The following AGBL1 variants were observed in gnomAD, a reference collection of about 807,000 sequenced individuals.
AGBL1 encodes cytosolic carboxypeptidase 4.
In AGBL1, 130 loss-of-function variants were observed where a neutral mutation model predicts 118.9. The observed-to-expected ratio is 1.09, with a 90% CI of 0.95 to 1.26. The LOEUF (loss-of-function observed/expected upper bound fraction) is 1.26, where lower values mean the gene tolerates loss of function less well. Ranked by LOEUF, AGBL1 falls within the 50% of genes most tolerant of loss-of-function variation. The pLI, the probability that AGBL1 is intolerant of heterozygous loss-of-function variation, is 0.00. For missense variants in AGBL1, 1,584 were observed against 1,298.1 expected, an observed-to-expected ratio of 1.22 and a Z score of -3.38; for synonymous variants, 555 against 478.9, an observed-to-expected ratio of 1.16 and a Z score of -2.08.
At chr15:86,446,384 G>C (rs77232446) in intron 18 of AGBL1, among the ~76,000 whole-genome samples, 6,400 of 152,270 alleles carry the variant, frequency 0.042, 196 homozygotes, top group South Asian at 0.098. Flanking sequence ...AGAAGCTCAA[G>C]GGAGCATTCT....
At chr15:86,122,240 A>C (rs1898134479) in intron 1 of AGBL1, among the ~76,000 whole-genome samples, 2 of 152,210 alleles carry the variant, frequency 1.3e-5, no homozygotes, top group African/African-American at 4.8e-5. Flanking sequence ...GTCCTGTTGC[A>C]AACGGAGTAA....
At chr15:86,733,183 AG>A (rs2077549302) in intron 22 of AGBL1, among the ~76,000 whole-genome samples, 1 of 152,024 alleles carries the variant, frequency 6.6e-6, no homozygotes, top group African/African-American at 2.4e-5. Context: ...AGAACCAAAA[AG>A]CCAATGGTAT....
intron 17 of AGBL1, among the ~76,000 whole-genome samples, chr15:86,364,836 T>C (rs1241561951): frequency 6.6e-6 from 1 of 151,556 alleles, no homozygotes; most frequent in Non-Finnish European, 1.5e-5. Context: ...CTAGTAGCAC[T>C]TTAACTAAAT....
chr15:86,364,465 C>G lies in AGBL1; in HGVS notation c.2375-32901C>G, dbSNP rs1240051434. Among the ~76,000 whole-genome samples, 4 of 152,150 alleles carry G rather than the reference C, an allele frequency of 2.6e-5. No homozygotes were observed. In the South Asian group the frequency reaches 6.2e-4, roughly 24 times the overall value. On this transcript the variant is annotated intron_variant, in intron 17 of 22. Coordinates refer to ENST00000614907, the MANE Select transcript of AGBL1 (RefSeq NM_001386094.1). ...ATTTTGGTGTTTTATTGGCTTATCA[C>G]CTACTCGTACCACATGAAGCTTTAA...
chr15:86,952,341 A>T (rs576068139), intron 23 of AGBL1, among the ~76,000 whole-genome samples: 2 of 152,072 alleles, frequency 1.3e-5, no homozygotes, highest in Non-Finnish European at 2.9e-5. Flanking sequence ...GCTTATTTAT[A>T]TTTAAAACAT....
At chr15:86,450,959 T>TC (rs1443400211) in intron 18 of AGBL1, among the ~76,000 whole-genome samples, 1 of 152,216 alleles carries the variant, frequency 6.6e-6, no homozygotes, top group Non-Finnish European at 1.5e-5. Context: ...TGATTTTTTT[T>TC]CTTGGGGTTT....
intron 6 of AGBL1, among the ~76,000 whole-genome samples, chr15:86,244,634 C>T (rs1238818808): frequency 6.6e-6 from 1 of 151,882 alleles, no homozygotes; most frequent in African/African-American, 2.4e-5. Flanking sequence ...GATTTTTCTC[C>T]CAGAAAATTA....
chr15:86,859,718 A>G (rs56053636), intron 22 of AGBL1, among the ~76,000 whole-genome samples: 16,770 of 152,170 alleles, frequency 0.11, 1,197 homozygotes, highest in Non-Finnish European at 0.15. Context: ...GAGAGTACAT[A>G]AGAAGTGTTC....
At chr15:86,677,264 G>C (rs542704899) in intron 22 of AGBL1, among the ~76,000 whole-genome samples, 6 of 152,190 alleles carry the variant, frequency 3.9e-5, no homozygotes, top group African/African-American at 1.2e-4. Flanking sequence ...GCGGATGTTT[G>C]CCTGGTGGCT....
chr15:86,270,112 A>G (rs2079135678), intron 14 of AGBL1, 45 bp downstream of exon 14: 1 of 1,574,406 alleles, frequency 6.4e-7, no homozygotes, highest in Admixed American at 1.9e-5. Context: ...CATGCCAGGA[A>G]TGACATTTCT....
intron 23 of AGBL1, among the ~76,000 whole-genome samples, chr15:86,985,484 C>G (rs1596708592): frequency 1.3e-5 from 2 of 152,230 alleles, no homozygotes; most frequent in African/African-American, 4.8e-5. Context: ...CCCCTGATGA[C>G]TAACGCTGCT....
intron 24 of AGBL1, among the ~76,000 whole-genome samples, chr15:87,020,321 T>C (rs1044219336): frequency 6.6e-6 from 1 of 152,062 alleles, no homozygotes; most frequent in African/African-American, 2.4e-5. Context: ...TTAAAAACTC[T>C]CAATAAACTA....
At chr15:86,936,220 G>A (rs2080672551) in intron 23 of AGBL1, among the ~76,000 whole-genome samples, 1 of 151,028 alleles carries the variant, frequency 6.6e-6, no homozygotes, top group South Asian at 2.1e-4. Flanking sequence ...TTGCCAAATT[G>A]TAAACAGCAG....
chr15:86,553,066 A>G (rs979302556), intron 20 of AGBL1, among the ~76,000 whole-genome samples: 3 of 152,162 alleles, frequency 2.0e-5, no homozygotes, highest in African/African-American at 4.8e-5. Flanking sequence ...TTTAAAAACA[A>G]TTCTTTCATT....
intron 24 of AGBL1, among the ~76,000 whole-genome samples, chr15:87,022,056 C>G (rs924256724): frequency 6.6e-6 from 1 of 152,084 alleles, no homozygotes; most frequent in Non-Finnish European, 1.5e-5. Flanking sequence ...ACAATCACTA[C>G]AGCTATTCTC....
chr15:86,120,063 A>T (rs1341461635), intron 1 of AGBL1, among the ~76,000 whole-genome samples: 1 of 152,226 alleles, frequency 6.6e-6, no homozygotes, highest in Non-Finnish European at 1.5e-5. Flanking sequence ...TATACTGAAC[A>T]CAAGAAACAA....
chr15:86,142,990 C>T (rs1205834415), intron 2 of AGBL1, among the ~76,000 whole-genome samples: 1 of 152,194 alleles, frequency 6.6e-6, no homozygotes, highest in East Asian at 1.9e-4. Context: ...TTGGTTAAGT[C>T]AACTTTGCCC....
chr15:86,241,124 T>C (rs149304564), intron 6 of AGBL1, among the ~76,000 whole-genome samples: 12 of 152,048 alleles, frequency 7.9e-5, no homozygotes, highest in African/African-American at 1.4e-4. Flanking sequence ...TGTATGGGAG[T>C]GTTTCAGAGA....
intron 1 of AGBL1, among the ~76,000 whole-genome samples, chr15:86,123,995 T>A (rs1474092585): frequency 6.6e-6 from 1 of 152,118 alleles, no homozygotes; most frequent in Non-Finnish European, 1.5e-5. Context: ...AGGACATTAG[T>A]GAACCTGGTG....
Sources: gnomAD v4.1 joint callset for allele counts (sites outside exome capture counted in the v4.1 genomes callset) on GRCh38, gnomAD v4.1.1 for gene constraint, MANE v1.5 for transcripts, NCBI Gene and HGNC (gene_info 2026-07-23, HGNC 2026-07-21) for gene names.